The following AK6 variants were observed in gnomAD, a reference collection of about 807,000 sequenced individuals.
AK6 encodes the protein adenylate kinase isoenzyme 6.
Under a neutral mutation model 23.7 loss-of-function variants are expected in AK6, and 24 were observed. That is an observed-to-expected ratio of 1.01 (90% CI 0.73 to 1.43). The LOEUF (loss-of-function observed/expected upper bound fraction) is 1.43, where lower values mean the gene tolerates loss of function less well. AK6 is among the 40% of genes most tolerant of loss of function. The probability of loss-of-function intolerance (pLI) is 0.00; values close to 1 mark genes in which losing one functional copy is unlikely to be tolerated. For missense variants in AK6, 191 were observed against 199.1 expected, an observed-to-expected ratio of 0.96 and a Z score of 0.24; for synonymous variants, 73 against 69.8, an observed-to-expected ratio of 1.05 and a Z score of -0.23.
Position 69,352,154 on chromosome 5 carries a change from A to G in AK6, c.426T>C (p.His142=). 6.2e-7 allele frequency: 1 copy of G among 1,613,976 alleles called. No homozygotes were observed. Among genetic ancestry groups the G allele is most frequent in the Non-Finnish European group, 8.5e-7 (1 of 1,179,930 alleles). ...ATASYKEEIV[H]QLPSNKPEEL... ...CTTCTGGTTTATTACTGGGCAGCTG[A>G]TGCACGATTTCTTCCTTGTAGGATG... The change falls in exon 5 of 5, where the codon CAT becomes CAC. Residue 142 remains histidine (H), a synonymous_variant. Coordinates refer to ENST00000380822, the MANE Select transcript of AK6 (RefSeq NM_016283.5).
In AK6 at chr5:69,352,217, CTGAA is replaced by C; in HGVS notation, c.359_362del (p.Ile120SerfsTer32). On this transcript the variant is annotated frameshift_variant, in exon 5 of 5. Coordinates refer to ENST00000380822, the MANE Select transcript of AK6 (RefSeq NM_016283.5). LOFTEE classifies it high-confidence loss of function. ...CATAAAGAACTTGAAAAATCTCACA[CTGAA>C]TATTGTCTGTTAGTTTCTTCTCATT... The C allele has an allele frequency of 6.2e-7, 1 of 1,613,740 alleles. No individual in the cohort carries two copies. The highest frequency in any genetic ancestry group is 1.3e-5 in the African/African-American group (1 of 75,026).
chr5:69,364,753 GACA>G (rs1762343249), intron 2 of AK6: 2 of 676,584 alleles, frequency 3.0e-6, no homozygotes, highest in African/African-American at 1.8e-5. Context: ...TCGAATGAAT[GACA>G]ACTTTATTTT....
At chr5:69,357,251 A>C (rs983934725) in intron 2 of AK6, among the ~76,000 whole-genome samples, 4 of 152,048 alleles carry the variant, frequency 2.6e-5, no homozygotes, top group African/African-American at 9.7e-5. Flanking sequence ...CACATAAACC[A>C]CCTTTCTAGC....
intron 2 of AK6, among the ~76,000 whole-genome samples, chr5:69,356,664 AG>A (rs1167292379): frequency 2.0e-4 from 30 of 152,218 alleles, no homozygotes; most frequent in African/African-American, 6.7e-4. Context: ...AAAGAAAGAA[AG>A]AAAAAAGCAA....
intron 2 of AK6, chr5:69,365,474 T>TG (rs1159102844): frequency 6.2e-7 from 1 of 1,614,148 alleles, no homozygotes; most frequent in East Asian, 2.2e-5. Flanking sequence ...AAAAATCTCT[T>TG]GGGGGAGGAG....
chr5:69,359,444 C>A (rs1398646718), intron 2 of AK6, among the ~76,000 whole-genome samples: 1 of 151,972 alleles, frequency 6.6e-6, no homozygotes, highest in Non-Finnish European at 1.5e-5. Context: ...GGGGTTTCAC[C>A]ATGTTGGCCA....
intron 2 of AK6, among the ~76,000 whole-genome samples, chr5:69,361,631 C>G (rs913406581): frequency 1.3e-5 from 2 of 149,044 alleles, no homozygotes; most frequent in Non-Finnish European, 3.0e-5. Context: ...GAGACTGAGT[C>G]TTGCTCTGTC....
intron 2 of AK6, among the ~76,000 whole-genome samples, chr5:69,359,492 G>A (rs531450727): frequency 1.3e-5 from 2 of 152,178 alleles, no homozygotes; most frequent in East Asian, 3.9e-4. Context: ...TGATCCACCC[G>A]CCCTGGCCTC....
At chr5:69,369,749 G>A, upstream of AK6, 3 of 1,516,182 alleles carry the variant, frequency 2.0e-6, no homozygotes, top group Admixed American at 2.0e-5. Flanking sequence ...GGATGCCTAA[G>A]TCACACACTC....
chr5:69,360,277 T>C (rs1762195668), intron 2 of AK6, among the ~76,000 whole-genome samples: 1 of 152,154 alleles, frequency 6.6e-6, no homozygotes, highest in Non-Finnish European at 1.5e-5. Context: ...ACCAGGGGTC[T>C]TGATGAAATA....
In AK6 at chr5:69,366,485, C is replaced by T. The variant is rs768382576; in HGVS notation, c.121+18G>A. On this transcript the variant is annotated intron_variant, in intron 2 of 4. Transcript: ENST00000380822. ...TAAAAAAAAAACAAAACAAATCTAA[C>T]ACCAAAGTGTCCCTTACCTTCTCGA... The T allele has an allele frequency of 6.3e-7, 1 of 1,592,128 alleles. No individual in the cohort carries two copies. Among genetic ancestry groups the T allele is most frequent in the Non-Finnish European group, 8.6e-7 (1 of 1,162,128 alleles).
intron 2 of AK6, among the ~76,000 whole-genome samples, chr5:69,358,610 AT>A (rs1354101047): frequency 2.0e-5 from 3 of 147,488 alleles, no homozygotes; most frequent in Non-Finnish European, 4.5e-5. Context: ...TGAAGTCTTT[AT>A]TTTTTTTGAG....
At chr5:69,361,966 TC>T (rs1259584417) in intron 2 of AK6, among the ~76,000 whole-genome samples, 20 of 141,884 alleles carry the variant, frequency 1.4e-4, no homozygotes, top group African/African-American at 2.1e-4. Context: ...TAAACTTGAT[TC>T]CCTTTTTTTT....
chr5:69,351,876 A>G lies in AK6; in HGVS notation c.*185T>C. On this transcript the variant is annotated 3_prime_UTR_variant, in exon 5 of 5. Transcript: ENST00000380822. ...TTTTGTCTCAATCCTTAATAATACT[A>G]TATTCATTATATTTCATGTTTAGCT... The G allele has an allele frequency of 2.4e-6, 1 of 414,496 alleles. No individual in the cohort carries two copies. Among genetic ancestry groups the G allele is most frequent in the Non-Finnish European group, 4.2e-6 (1 of 237,380 alleles). The allele number at this position is 414,496 out of a possible 1,614,324, so 25.7% of individuals were successfully genotyped here.
At chr5:69,365,544 G>A in intron 2 of AK6, 1 of 1,613,972 alleles carries the variant, frequency 6.2e-7, no homozygotes, top group Non-Finnish European at 8.5e-7. Context: ...TGCATCAACA[G>A]TAGCTTTCTT....
chr5:69,367,453 T>C (rs990966073), intron 1 of AK6, among the ~76,000 whole-genome samples: 4 of 136,680 alleles, frequency 2.9e-5, no homozygotes, highest in Non-Finnish European at 6.0e-5. Context: ...TAGGATGCAG[T>C]GAGCCAAGAT....
intron 1 of AK6, 35 bp downstream of exon 1, chr5:69,369,428 C>G (rs776580412): frequency 1.9e-6 from 3 of 1,606,780 alleles, no homozygotes; most frequent in Non-Finnish European, 2.5e-6. Flanking sequence ...CCCCAGCCTG[C>G]CCCAGCCCAG....
upstream of AK6, chr5:69,369,713 C>G (rs1186304496): frequency 1.9e-6 from 3 of 1,551,044 alleles, no homozygotes; most frequent in Non-Finnish European, 2.6e-6. Flanking sequence ...TAACTCGGGT[C>G]GGTACTTCGG....
rs766864024 is a variant in AK6 at position 69,355,819 on chromosome 5, T to C, written c.181-25A>G. 2.5e-6 allele frequency: 4 copies of C among 1,593,496 alleles called. No homozygotes were observed. The South Asian group carries it at 4.6e-5, about 18-fold the overall frequency. ...CCTGTAAGAAAAGTTTAAAAAAAAA[T>C]GCTTCTTAAGAAAACTGAAGTCAAC... On this transcript the variant is annotated intron_variant, in intron 3 of 4. Transcript: ENST00000380822.
Sources: allele counts gnomAD v4.1 joint callset (sites outside exome capture counted in the v4.1 genomes callset), GRCh38; gene constraint gnomAD v4.1.1; transcripts MANE v1.5; gene names NCBI Gene and HGNC (gene_info 2026-07-23, HGNC 2026-07-21).